The following SRBD1 variants were observed in gnomAD, a reference collection of about 807,000 sequenced individuals.
The protein encoded by SRBD1 is S1 RNA binding domain 1.
In SRBD1, 88 loss-of-function variants were observed where a neutral mutation model predicts 115.3. The observed-to-expected ratio is 0.76, with a 90% CI of 0.64 to 0.91. The LOEUF is 0.91. SRBD1 is among the 40% of genes least tolerant of loss of function. The probability of loss-of-function intolerance (pLI) is 0.00; values close to 1 mark genes in which losing one functional copy is unlikely to be tolerated. For missense variants in SRBD1, 1,385 were observed against 1,177.4 expected, an observed-to-expected ratio of 1.18 and a Z score of -2.58; for synonymous variants, 509 against 407.7, an observed-to-expected ratio of 1.25 and a Z score of -2.99.
intron 14 of SRBD1, among the ~76,000 whole-genome samples, chr2:45,495,745 A>G (rs1203576151): frequency 6.6e-6 from 1 of 152,194 alleles, no homozygotes; most frequent in Non-Finnish European, 1.5e-5. Context: ...AAGGAACACT[A>G]ACTGTGGAAG....
At chr2:45,536,329 T>C (rs1671761460) in intron 14 of SRBD1, among the ~76,000 whole-genome samples, 1 of 151,826 alleles carries the variant, frequency 6.6e-6, no homozygotes, top group African/African-American at 2.4e-5. Flanking sequence ...TTTTTTCTTC[T>C]AGGGGAAAAA....
At chr2:45,574,590 T>A (rs1281144298) in intron 8 of SRBD1, 37 bp downstream of exon 8, 1 of 1,582,400 alleles carries the variant, frequency 6.3e-7, no homozygotes, top group South Asian at 1.1e-5. Flanking sequence ...ACAGCATGAG[T>A]CCATAAAGCA....
At chr2:45,417,144 T>C (rs1399421732) in intron 18 of SRBD1, among the ~76,000 whole-genome samples, 2 of 152,212 alleles carry the variant, frequency 1.3e-5, no homozygotes, top group Non-Finnish European at 2.9e-5. Flanking sequence ...TCATGATCTA[T>C]TTAGAAAGAA....
intron 16 of SRBD1, among the ~76,000 whole-genome samples, chr2:45,435,652 C>A (rs1322483191): frequency 6.6e-6 from 1 of 151,656 alleles, no homozygotes; most frequent in Non-Finnish European, 1.5e-5. Flanking sequence ...AGACATAGGA[C>A]GTCCTACCAA....
intron 14 of SRBD1, among the ~76,000 whole-genome samples, chr2:45,533,612 ATGTC>A (rs377047217): frequency 1.8e-4 from 27 of 152,152 alleles, no homozygotes; most frequent in African/African-American, 6.5e-4. Flanking sequence ...TGGCAGTAAA[ATGTC>A]AGTTTGGAGG....
At chr2:45,543,571 A>C (rs1672015818) in intron 14 of SRBD1, among the ~76,000 whole-genome samples, 2 of 152,334 alleles carry the variant, frequency 1.3e-5, no homozygotes, top group South Asian at 2.1e-4. Flanking sequence ...CTGCCAGAGA[A>C]AGACTGGAGA....
rs115918513 is a variant in SRBD1 at position 45,529,018 on chromosome 2, T to C, written c.1874+17714A>G. Among the ~76,000 whole-genome samples the C allele has an allele frequency of 5.6e-3, 858 of 151,988 alleles. 8 individuals are homozygous for C. The highest frequency in any genetic ancestry group is 0.019 in the African/African-American group (803 of 41,536). ...AAAATGTGTTGTGTGAATGAGTAAATAAATTTTGATAGTCAAAGTGAAAGA... is the reference window on the plus strand; with the variant it reads ...AAAATGTGTTGTGTGAATGAGTAAACAAATTTTGATAGTCAAAGTGAAAGA... On this transcript the variant is annotated intron_variant, in intron 14 of 20. Transcript: ENST00000263736.
intron 9 of SRBD1, among the ~76,000 whole-genome samples, chr2:45,563,268 T>C (rs779754235): frequency 6.6e-6 from 1 of 152,116 alleles, no homozygotes; most frequent in Non-Finnish European, 1.5e-5. Context: ...CTTCACTTTA[T>C]ATAATAATTT....
intron 11 of SRBD1, among the ~76,000 whole-genome samples, chr2:45,551,632 C>A (rs771613376): frequency 1.3e-5 from 2 of 152,150 alleles, no homozygotes; most frequent in Middle Eastern, 3.4e-3. Flanking sequence ...AAAGTAGGCA[C>A]AGTGGGCAGG....
At chr2:45,451,212 T>A (rs1668982287) in intron 16 of SRBD1, among the ~76,000 whole-genome samples, 1 of 152,108 alleles carries the variant, frequency 6.6e-6, no homozygotes, top group African/African-American at 2.4e-5. Context: ...CTATTTTTTT[T>A]AATTGCACTT....
intron 14 of SRBD1, among the ~76,000 whole-genome samples, chr2:45,528,372 A>T (rs1671513536): frequency 6.6e-6 from 1 of 151,888 alleles, no homozygotes; most frequent in Non-Finnish European, 1.5e-5. Context: ...CACATTTCAG[A>T]GACAGAATCA....
At chr2:45,583,636 T>A (rs761334804) in intron 5 of SRBD1, among the ~76,000 whole-genome samples, 2 of 152,316 alleles carry the variant, frequency 1.3e-5, no homozygotes, top group Non-Finnish European at 2.9e-5. Context: ...ATTTTTTAAG[T>A]GGTATGACTT....
intron 17 of SRBD1, 136 bp from the exon 18 acceptor site, chr2:45,418,677 A>C (rs1230813783): frequency 3.4e-5 from 2 of 59,222 alleles, no homozygotes; most frequent in African/African-American, 7.6e-4. Context: ...AAGGGAGTTT[A>C]AAAAAAAAAA....
chr2:45,525,556 T>C (rs144412089), intron 14 of SRBD1, among the ~76,000 whole-genome samples: 219 of 152,118 alleles, frequency 1.4e-3, no homozygotes, highest in African/African-American at 5.1e-3. Flanking sequence ...ATATATTGTA[T>C]TCTTAAAAAA....
intron 16 of SRBD1, among the ~76,000 whole-genome samples, chr2:45,420,188 G>T (rs1376411816): frequency 6.6e-6 from 1 of 152,174 alleles, no homozygotes; most frequent in African/African-American, 2.4e-5. Flanking sequence ...AAAATCACCT[G>T]TATGGCTTGG....
At chr2:45,555,198 C>T (rs1190544786) in intron 10 of SRBD1, among the ~76,000 whole-genome samples, 3 of 152,280 alleles carry the variant, frequency 2.0e-5, no homozygotes, top group African/African-American at 7.2e-5. Flanking sequence ...CTAGTCTGGG[C>T]AACATAGCCA....
chr2:45,519,373 T>C (rs1014816968), intron 14 of SRBD1, among the ~76,000 whole-genome samples: 17 of 152,096 alleles, frequency 1.1e-4, no homozygotes, highest in Admixed American at 7.9e-4. Flanking sequence ...TTGGCCGCCA[T>C]TGGTCCAGGG....
rs151128971 is a variant in SRBD1 at position 45,400,057 on chromosome 2, A to G, written c.2514-6928T>C. Among the ~76,000 whole-genome samples, 809 of 152,306 alleles carry G rather than the reference A, an allele frequency of 5.3e-3. 2 individuals are homozygous for G. Among genetic ancestry groups the G allele is most frequent in the Middle Eastern group, 0.017 (5 of 294 alleles). On this transcript the variant is annotated intron_variant, in intron 19 of 20. Transcript: ENST00000263736. ...AAACAGCCTTTTTACTATAAATGCC[A>G]TCCTGTCAAGGAATCCTCCTATCAA...
At chr2:45,434,141 CCTAT>C (rs1203136090) in intron 16 of SRBD1, among the ~76,000 whole-genome samples, 1 of 152,210 alleles carries the variant, frequency 6.6e-6, no homozygotes, top group African/African-American at 2.4e-5. Flanking sequence ...TTTGCATGAA[CCTAT>C]TATCAATTAT....
Sources: allele counts gnomAD v4.1 joint callset (sites outside exome capture counted in the v4.1 genomes callset), GRCh38; gene constraint gnomAD v4.1.1; transcripts MANE v1.5; gene names NCBI Gene and HGNC (gene_info 2026-07-23, HGNC 2026-07-21).